Variants in HNRNPA1L2 observed in about 807,000 individuals in gnomAD.
The protein encoded by HNRNPA1L2 is heterogeneous nuclear ribonucleoprotein A1-like 2.
Under a neutral mutation model 18.2 loss-of-function variants are expected in HNRNPA1L2, and 10 were observed. That is an observed-to-expected ratio of 0.55 (90% confidence interval 0.34 to 0.93). HNRNPA1L2 has a LOEUF of 0.93. HNRNPA1L2 is among the 40% of genes least tolerant of loss of function. The probability of loss-of-function intolerance (pLI) is 0.02; values close to 1 mark genes in which losing one functional copy is unlikely to be tolerated. For synonymous variants in HNRNPA1L2, 124 were observed against 138.6 expected (o/e 0.89, Z 0.74); for missense variants, 308 against 394.4 (o/e 0.78, Z 1.85).
At position 52,642,774 on chromosome 13, in the gene HNRNPA1L2, T is replaced by G. The variant is rs760213923; in HGVS notation, c.282T>G (p.Asp94Glu). 13 of 1,597,872 alleles carry G rather than the reference T, an allele frequency of 8.1e-6. No homozygotes were observed. In the Admixed American group the frequency reaches 2.2e-4, roughly 27 times the overall value. The part of the protein sequence containing the change: ...VEPKRAVSRE[D>E]SQRPGAHLTV... ...CAAAGAGAGCTGTCTCCAGAGAAGATTCTCAAAGACCAGGTGCCCACTTAA... is the reference window on the plus strand; with the variant it reads ...CAAAGAGAGCTGTCTCCAGAGAAGAGTCTCAAAGACCAGGTGCCCACTTAA... The change falls in exon 1 of 1, where the codon GAT (aspartate) becomes GAG (glutamate). Residue 94 changes from aspartate to glutamate, a missense_variant. Asp to Glu is a conservative substitution (Grantham distance 45). Coordinates refer to ENST00000357495, the MANE Select transcript of HNRNPA1L2 (RefSeq NM_001389320.1).
the HNRNPA1L2 span, among the ~76,000 whole-genome samples, chr13:52,636,036 C>G: frequency 6.6e-6 from 1 of 152,058 alleles, no homozygotes; most frequent in African/African-American, 2.4e-5. Flanking sequence ...GGGGTTTCAT[C>G]ATGTTGGCCA....
chr13:52,630,035 C>T, the HNRNPA1L2 span, among the ~76,000 whole-genome samples: 1 of 151,794 alleles, frequency 6.6e-6, no homozygotes. Context: ...TTGCAGTGAG[C>T]CAAGATCGTG....
Position 52,642,847 on chromosome 13 carries a change from C to G in HNRNPA1L2, c.355C>G (p.His119Asp), listed in dbSNP as rs748079752. ...VGGIKEDTEE[H>D]HLRDYFEQYG... ...TGGCATTAAAGAAGACACTGAAGAA[C>G]ATCACCTAAGAGATTATTTTGAACA... Residue 119 changes from histidine to aspartate, a missense_variant, in exon 1 of 1, where the codon CAT becomes GAT. His to Asp is a moderately conservative substitution (Grantham distance 81). Coordinates refer to ENST00000357495, the MANE Select transcript of HNRNPA1L2 (RefSeq NM_001389320.1). 2.5e-6 allele frequency: 4 copies of G among 1,596,500 alleles called. No homozygotes were observed. In the East Asian group the frequency reaches 6.7e-5, roughly 27 times the overall value.
chr13:52,639,694 C>CAAAAAAAAAAAAAAAAAAAAAAA (rs10661534), upstream of HNRNPA1L2, among the ~76,000 whole-genome samples: 3 of 73,544 alleles, frequency 4.1e-5, no homozygotes, highest in African/African-American at 1.6e-4. Flanking sequence ...GACCCTGTCT[C>CAAAAAAAAAAAAAAAAAAAAAAA]AAAAAAAAAA....
the HNRNPA1L2 span, among the ~76,000 whole-genome samples, chr13:52,634,978 C>A: frequency 6.6e-6 from 1 of 152,126 alleles, no homozygotes; most frequent in East Asian, 1.9e-4. Context: ...ATATGATGAT[C>A]CTAATGATGA....
At chr13:52,635,774 T>C in the HNRNPA1L2 span, among the ~76,000 whole-genome samples, 1 of 152,140 alleles carries the variant, frequency 6.6e-6, no homozygotes, top group Non-Finnish European at 1.5e-5. Context: ...TGCTGTAACA[T>C]GTACTAGTAA....
chr13:52,619,470 G>A, the HNRNPA1L2 span, among the ~76,000 whole-genome samples: 2 of 151,962 alleles, frequency 1.3e-5, no homozygotes, highest in African/African-American at 4.8e-5. Context: ...ACGTTACCAC[G>A]CCTGGCTCAT....
At chr13:52,630,558 A>C in the HNRNPA1L2 span, among the ~76,000 whole-genome samples, 2 of 152,216 alleles carry the variant, frequency 1.3e-5, no homozygotes, top group Non-Finnish European at 2.9e-5. Context: ...GGTGTGAGCC[A>C]CCACGCCCGG....
chr13:52,624,140 A>G, the HNRNPA1L2 span, among the ~76,000 whole-genome samples: 10 of 152,076 alleles, frequency 6.6e-5, no homozygotes, highest in South Asian at 1.9e-3. Flanking sequence ...TTTGAGATGG[A>G]GTCTCGCTCT....
the HNRNPA1L2 span, among the ~76,000 whole-genome samples, chr13:52,636,403 G>A: frequency 1.3e-5 from 2 of 152,132 alleles, no homozygotes; most frequent in Admixed American, 6.5e-5. Context: ...GTAACTGGTC[G>A]GAATATGGCT....
Position 52,643,115 on chromosome 13 carries a change from A to T in HNRNPA1L2, c.623A>T (p.Asp208Val). The T allele has an allele frequency of 1.3e-6, 2 of 1,597,850 alleles. No individual in the cohort carries two copies. Among genetic ancestry groups the T allele is most frequent in the Non-Finnish European group, 8.5e-7 (1 of 1,179,766 alleles). Residue 208 changes from aspartate (D) to valine (V), a missense_variant, in exon 1 of 1, where the codon GAT (aspartate) becomes GTT (valine). Asp to Val is a radical substitution (Grantham distance 152). Transcript: ENST00000357495. ...GSGNFGGGRG[D>V]GFGGNDNFGR... is the part of the protein sequence containing the mutation. ...GGAAACTTTGGTGGTGGTCGTGGAGATGGTTTCGGTGGGAATGACAACTTT... is the reference window on the plus strand; with the variant it reads ...GGAAACTTTGGTGGTGGTCGTGGAGTTGGTTTCGGTGGGAATGACAACTTT...
chr13:52,640,277 C>A (rs1961616967), upstream of HNRNPA1L2, among the ~76,000 whole-genome samples: 4 of 152,188 alleles, frequency 2.6e-5, no homozygotes, highest in South Asian at 8.3e-4. Context: ...TTTGGTTACA[C>A]CCCATACCTA....
upstream of HNRNPA1L2, among the ~76,000 whole-genome samples, chr13:52,639,902 T>TTTTG (rs1555269258): frequency 5.7e-3 from 837 of 146,220 alleles, 4 homozygotes; most frequent in African/African-American, 0.013. Flanking sequence ...TTTTGTTTTT[T>TTTTG]TTTTTTTGAG....
the HNRNPA1L2 span, among the ~76,000 whole-genome samples, chr13:52,624,854 C>G: frequency 1.3e-5 from 2 of 151,952 alleles, no homozygotes; most frequent in Non-Finnish European, 2.9e-5. Context: ...CATGGTGAAA[C>G]CCTGTGTCTA....
the HNRNPA1L2 span, chr13:52,627,667 A>G: frequency 1.3e-5 from 2 of 152,362 alleles, no homozygotes; most frequent in African/African-American, 4.8e-5. Flanking sequence ...CATAATATAT[A>G]CCACATAAGT....
At chr13:52,634,415 A>G in the HNRNPA1L2 span, among the ~76,000 whole-genome samples, 3 of 152,244 alleles carry the variant, frequency 2.0e-5, no homozygotes, top group Non-Finnish European at 2.9e-5. Context: ...ACAGTATCAA[A>G]TGATTATACT....
the HNRNPA1L2 span, among the ~76,000 whole-genome samples, chr13:52,635,042 TTA>T: frequency 8.5e-5 from 13 of 152,212 alleles, no homozygotes; most frequent in African/African-American, 3.1e-4. Context: ...ACTGAGACAA[TTA>T]AGTTATTTCA....
At chr13:52,620,351 C>G in the HNRNPA1L2 span, among the ~76,000 whole-genome samples, 1 of 152,156 alleles carries the variant, frequency 6.6e-6, no homozygotes, top group African/African-American at 2.4e-5. Flanking sequence ...TTTGTATAAC[C>G]TCTAGAGATT....
At chr13:52,621,206 G>A in the HNRNPA1L2 span, among the ~76,000 whole-genome samples, 1 of 152,140 alleles carries the variant, frequency 6.6e-6, no homozygotes, top group Non-Finnish European at 1.5e-5. Flanking sequence ...TAGTATAGAT[G>A]TAATCATTTG....
Sources: allele counts gnomAD v4.1 joint callset (sites outside exome capture counted in the v4.1 genomes callset), GRCh38; gene constraint gnomAD v4.1.1; transcripts MANE v1.5; gene names NCBI Gene and HGNC (gene_info 2026-07-23, HGNC 2026-07-21).